The following CSMD3 variants were observed in gnomAD, a reference collection of about 807,000 sequenced individuals.
CSMD3 encodes CUB and Sushi multiple domains 3.
A neutral mutation model predicts 435.2 loss-of-function variants in CSMD3; 177 were observed. The ratio of observed to expected loss-of-function variants is 0.41; its 90% CI spans 0.36 to 0.46. The LOEUF (loss-of-function observed/expected upper bound fraction) is 0.46, where lower values mean the gene tolerates loss of function less well. CSMD3 is among the 20% of genes least tolerant of loss of function. CSMD3 has a pLI of 0.34. For missense variants in CSMD3, 4,265 were observed against 4,504.6 expected (o/e 0.95, Z 1.52); for synonymous variants, 1,656 against 1,520.5 (o/e 1.09, Z -2.07).
intron 23 of CSMD3, among the ~76,000 whole-genome samples, chr8:112,574,683 A>G (rs1829801255): frequency 6.6e-6 from 1 of 152,002 alleles, no homozygotes; most frequent in East Asian, 1.9e-4. Context: ...CTTGGGAGCA[A>G]TAATATTTTA....
At chr8:112,795,631 T>C (rs2078810553) in intron 13 of CSMD3, among the ~76,000 whole-genome samples, 1 of 152,160 alleles carries the variant, frequency 6.6e-6, no homozygotes, top group Admixed American at 6.6e-5. Flanking sequence ...AAGACAAATA[T>C]GCTGAGGATG....
intron 32 of CSMD3, among the ~76,000 whole-genome samples, chr8:112,449,815 T>A (rs971504541): frequency 2.0e-5 from 3 of 152,140 alleles, no homozygotes; most frequent in African/African-American, 7.2e-5. Flanking sequence ...CTCCGCCTCC[T>A]GGGCTCAAGT....
chr8:112,838,607 C>A (rs995544073), intron 11 of CSMD3, among the ~76,000 whole-genome samples: 2 of 151,440 alleles, frequency 1.3e-5, no homozygotes, highest in Non-Finnish European at 3.0e-5. Context: ...ATTCAAAGGC[C>A]CACACAAAAA....
chr8:113,054,999 T>C (rs2088257311), intron 5 of CSMD3, among the ~76,000 whole-genome samples: 1 of 152,194 alleles, frequency 6.6e-6, no homozygotes, highest in Admixed American at 6.5e-5. Context: ...TTTGAAATGT[T>C]ATCTACTACC....
chr8:112,348,273 C>T (rs541351369), intron 40 of CSMD3, among the ~76,000 whole-genome samples: 1 of 152,316 alleles, frequency 6.6e-6, no homozygotes, highest in South Asian at 2.1e-4. Context: ...CCATTACACT[C>T]TTTTTGTTAG....
intron 3 of CSMD3, among the ~76,000 whole-genome samples, chr8:113,261,849 A>G (rs1588396047): frequency 6.6e-6 from 1 of 152,228 alleles, no homozygotes; most frequent in East Asian, 1.9e-4. Context: ...CAGAAAAGAT[A>G]CTAGCTAACA....
At chr8:113,411,416 G>T (rs114251474) in intron 1 of CSMD3, among the ~76,000 whole-genome samples, 2 of 152,014 alleles carry the variant, frequency 1.3e-5, no homozygotes, top group African/African-American at 4.8e-5. Context: ...CAAACAACTG[G>T]ATCTTCTTTA....
At chr8:112,669,628 A>G (rs2075610123) in intron 16 of CSMD3, among the ~76,000 whole-genome samples, 1 of 152,178 alleles carries the variant, frequency 6.6e-6, no homozygotes, top group Non-Finnish European at 1.5e-5. Flanking sequence ...TACAGAAAGC[A>G]AAAAGGGGAC....
intron 1 of CSMD3, among the ~76,000 whole-genome samples, chr8:113,386,793 A>C (rs1228623791): frequency 3.3e-5 from 5 of 151,892 alleles, no homozygotes; most frequent in African/African-American, 9.7e-5. Flanking sequence ...TACCGAAAAC[A>C]ATCAATTTGG....
In CSMD3 at chr8:113,104,853, T is replaced by A. The variant is rs890282731; in HGVS notation, c.710-5890A>T. ...TCTGAGAAGTAAAAAGAGCAAAGTA[T>A]AATGGCATTTTAGCTTTGAAGGTTT... is the stretch of plus-strand genomic sequence containing the variant. On this transcript the variant is annotated intron_variant, in intron 4 of 70. Transcript: ENST00000297405. Among the ~76,000 whole-genome samples the A allele has an allele frequency of 4.6e-5, 7 of 152,232 alleles. 1 individual carries two copies.
chr8:112,569,669 G>A (rs117648881), intron 24 of CSMD3, among the ~76,000 whole-genome samples: 2,384 of 152,144 alleles, frequency 0.016, 27 homozygotes, highest in Admixed American at 0.025. Flanking sequence ...AAATAGGGCA[G>A]GTATCATTTG....
At chr8:112,270,851 C>G (rs568387634) in intron 59 of CSMD3, among the ~76,000 whole-genome samples, 61 of 152,032 alleles carry the variant, frequency 4.0e-4, no homozygotes, top group African/African-American at 1.4e-3. Context: ...TTAAAGTGAC[C>G]AAAATCTTAT....
At position 113,399,082 on chromosome 8, in the gene CSMD3, T is replaced by TAC. The variant is rs1368070406; in HGVS notation, c.178+37594_178+37595insGT. On this transcript the variant is annotated intron_variant, in intron 1 of 70. Coordinates refer to ENST00000297405, the MANE Select transcript of CSMD3 (RefSeq NM_198123.2). ...ACCATACCCACAAGGATAGTTCATA[T>TAC]ATATATATATATATATATATATATA... Among the ~76,000 whole-genome samples, 64 of 62,338 alleles carry TAC rather than the reference T, an allele frequency of 1.0e-3. No individual in the cohort carries two copies. In the Middle Eastern group the frequency reaches 0.025, roughly 24 times the overall value. 40.9% of individuals were successfully genotyped at this position (62,338 alleles called of 152,430 possible).
intron 4 of CSMD3, among the ~76,000 whole-genome samples, chr8:113,160,916 C>T (rs573536021): frequency 2.6e-5 from 4 of 152,014 alleles, no homozygotes; most frequent in South Asian, 2.1e-4. Context: ...TTCAAGGGGA[C>T]GGATGTTGAA....
chr8:113,112,615 G>A (rs958603931), intron 4 of CSMD3, among the ~76,000 whole-genome samples: 2 of 151,272 alleles, frequency 1.3e-5, no homozygotes, highest in African/African-American at 4.9e-5. Flanking sequence ...TCATGAGACC[G>A]AAGTCACTGC....
intron 22 of CSMD3, among the ~76,000 whole-genome samples, chr8:112,609,953 T>C (rs1833129007): frequency 1.3e-5 from 2 of 152,050 alleles, no homozygotes; most frequent in Admixed American, 1.3e-4. Context: ...CTCATGTACA[T>C]GTGGGATCTA....
At chr8:112,973,219 G>C (rs760732012) in intron 7 of CSMD3, among the ~76,000 whole-genome samples, 1 of 151,828 alleles carries the variant, frequency 6.6e-6, no homozygotes, top group Non-Finnish European at 1.5e-5. Context: ...ATTTTTATTT[G>C]TAAAAGTTCA....
intron 1 of CSMD3, among the ~76,000 whole-genome samples, chr8:113,418,112 A>G (rs1208613080): frequency 6.6e-6 from 1 of 152,118 alleles, no homozygotes; most frequent in Non-Finnish European, 1.5e-5. Context: ...TGCTAAGAAC[A>G]CAGACATTGA....
At chr8:113,195,226 C>CTT (rs769586403) in intron 3 of CSMD3, among the ~76,000 whole-genome samples, 2 of 129,070 alleles carry the variant, frequency 1.5e-5, no homozygotes. Flanking sequence ...CTATTCCAAG[C>CTT]TTTTTTTTTT....
Sources: gnomAD v4.1 joint callset for allele counts (sites outside exome capture counted in the v4.1 genomes callset) on GRCh38, gnomAD v4.1.1 for gene constraint, MANE v1.5 for transcripts, NCBI Gene and HGNC (gene_info 2026-07-23, HGNC 2026-07-21) for gene names.